The following NEDD4L variants were observed in gnomAD, a reference collection of about 807,000 sequenced individuals.
NEDD4L encodes the protein E3 ubiquitin-protein ligase NEDD4-like.
Under a neutral mutation model 148.9 loss-of-function variants are expected in NEDD4L, and 54 were observed. The ratio of observed to expected loss-of-function variants is 0.36; its 90% CI spans 0.29 to 0.45. The LOEUF (loss-of-function observed/expected upper bound fraction) is 0.45, where lower values mean the gene tolerates loss of function less well. NEDD4L is among the 20% of genes least tolerant of loss of function. NEDD4L has a pLI of 1.00. For missense variants in NEDD4L, 856 were observed against 1,233.8 expected (o/e 0.69, Z 4.59); for synonymous variants, 433 against 440.7 (o/e 0.98, Z 0.22).
intron 18 of NEDD4L, among the ~76,000 whole-genome samples, chr18:58,352,452 C>T (rs1017357595): frequency 1.3e-5 from 2 of 152,000 alleles, no homozygotes; most frequent in Non-Finnish European, 2.9e-5. Flanking sequence ...GTCAGGAGTT[C>T]GAGATTAGCC....
chr18:58,098,930 C>T (rs918808374), intron 1 of NEDD4L, among the ~76,000 whole-genome samples: 1 of 152,148 alleles, frequency 6.6e-6, no homozygotes, highest in African/African-American at 2.4e-5. Flanking sequence ...AAATGCTAAA[C>T]CATGTGGTAA....
chr18:58,082,096 AT>A (rs2083468110), intron 1 of NEDD4L, among the ~76,000 whole-genome samples: 5 of 75,526 alleles, frequency 6.6e-5, no homozygotes, highest in African/African-American at 4.4e-4. Flanking sequence ...ATATATATAT[AT>A]ATATATTTTT....
intron 1 of NEDD4L, among the ~76,000 whole-genome samples, chr18:58,057,175 C>T (rs1304357906): frequency 1.3e-5 from 2 of 152,068 alleles, no homozygotes; most frequent in Non-Finnish European, 2.9e-5. Context: ...CACATGCTCC[C>T]TTTCTCCAGG....
At chr18:58,216,140 T>G (rs1224303264) in intron 2 of NEDD4L, among the ~76,000 whole-genome samples, 1 of 152,298 alleles carries the variant, frequency 6.6e-6, no homozygotes, top group East Asian at 1.9e-4. Flanking sequence ...GCACAAAGAC[T>G]CACTGTGCCA....
chr18:58,191,988 C>T (rs986169530), intron 2 of NEDD4L, among the ~76,000 whole-genome samples: 3 of 152,074 alleles, frequency 2.0e-5, no homozygotes, highest in East Asian at 1.9e-4. Flanking sequence ...CTGGGTAACA[C>T]GGTGAAACTC....
At position 58,366,077 on chromosome 18, in the gene NEDD4L, G is replaced by A. The variant is rs201102807; in HGVS notation, c.1912G>A (p.Val638Met). 2.5e-6 allele frequency: 4 copies of A among 1,613,326 alleles called. No homozygotes were observed. Among genetic ancestry groups the A allele is most frequent in the South Asian group, 1.1e-5 (1 of 90,852 alleles). Residue 638 changes from valine to methionine, a missense_variant, in exon 21 of 31, where the codon GTG (valine) becomes ATG (methionine). Val to Met is a conservative substitution (Grantham distance 21). Coordinates refer to ENST00000400345, the MANE Select transcript of NEDD4L (RefSeq NM_001144967.3). This position sits in a 1 kb window ranked among gnomAD's most constrained non-coding sequence, Gnocchi z 4.2. The part of the protein sequence containing the change: ...FEESYRRIMS[V>M]KRPDVLKARL... ...AGAGTCCTATCGGAGAATTATGTCC[G>A]TGAAAAGACCAGATGTCCTAAAAGC...
In NEDD4L at chr18:58,347,412, C is replaced by G. The variant is rs142437537; in HGVS notation, c.1576-2125C>G. On this transcript the variant is annotated intron_variant, in intron 16 of 30. Coordinates refer to ENST00000400345, the MANE Select transcript of NEDD4L (RefSeq NM_001144967.3). ...GCTAGGTGGAAGCCCAAGGGTCCCC[C>G]GCTGGTTGTGGCGTTACCTGGTCCG... is the stretch of plus-strand genomic sequence containing the variant. Among the ~76,000 whole-genome samples, 6 of 152,190 alleles carry G rather than the reference C, an allele frequency of 3.9e-5. No homozygotes were observed. The South Asian group carries it at 1.2e-3, about 32-fold the overall frequency.
chr18:58,135,395 G>T (rs973558517), intron 1 of NEDD4L, among the ~76,000 whole-genome samples: 1 of 152,178 alleles, frequency 6.6e-6, no homozygotes, highest in Admixed American at 6.5e-5. Flanking sequence ...TGTGGTCTGT[G>T]GTCAATGTGT....
At chr18:58,359,242 T>G (rs182325598) in intron 19 of NEDD4L, among the ~76,000 whole-genome samples, 4 of 152,236 alleles carry the variant, frequency 2.6e-5, no homozygotes, top group South Asian at 2.1e-4. Context: ...CTTTTCTCTC[T>G]CGCGATATTT....
At chr18:58,326,207 A>C (rs570367740) in intron 9 of NEDD4L, among the ~76,000 whole-genome samples, 1 of 152,272 alleles carries the variant, frequency 6.6e-6, no homozygotes, top group African/African-American at 2.4e-5. Context: ...GGTTTTGTTT[A>C]ATTTAGAGAT....
chr18:58,311,562 G>A (rs8092871), intron 5 of NEDD4L, among the ~76,000 whole-genome samples: 11,212 of 152,166 alleles, frequency 0.074, 1,338 homozygotes, highest in African/African-American at 0.25. Flanking sequence ...TTGAGCTTCC[G>A]TGTGAAGTTC....
chr18:58,213,373 T>C (rs2042804102), intron 2 of NEDD4L, among the ~76,000 whole-genome samples: 1 of 152,198 alleles, frequency 6.6e-6, no homozygotes, highest in Non-Finnish European at 1.5e-5. Context: ...GTTTGTACCA[T>C]GTAATATTAT....
At chr18:58,059,850 T>C (rs9954721) in intron 1 of NEDD4L, among the ~76,000 whole-genome samples, 123,004 of 152,126 alleles carry the variant, frequency 0.81, 50,300 homozygotes, top group East Asian at 1. Context: ...GCAGTGTGTA[T>C]GTATTTCGAA....
chr18:58,096,605 T>G (rs375862516), intron 1 of NEDD4L, among the ~76,000 whole-genome samples: 17 of 152,016 alleles, frequency 1.1e-4, no homozygotes, highest in Admixed American at 3.9e-4. Flanking sequence ...GGTTTTGCCA[T>G]GTTGGCCAGG....
chr18:58,237,263 G>A (rs2046146964), intron 2 of NEDD4L, among the ~76,000 whole-genome samples: 1 of 152,062 alleles, frequency 6.6e-6, no homozygotes, highest in Non-Finnish European at 1.5e-5. Flanking sequence ...TGTGTATGGT[G>A]GATGCTCCTT....
At chr18:58,263,005 AC>A (rs1322515720) in intron 5 of NEDD4L, among the ~76,000 whole-genome samples, 1 of 152,208 alleles carries the variant, frequency 6.6e-6, no homozygotes, top group Non-Finnish European at 1.5e-5. Flanking sequence ...GACTGTTCTG[AC>A]ACTTTTGAGT....
intron 2 of NEDD4L, among the ~76,000 whole-genome samples, chr18:58,177,499 G>T (rs1376834562): frequency 1.3e-5 from 2 of 152,160 alleles, no homozygotes; most frequent in East Asian, 3.9e-4. Flanking sequence ...CCCACCCCAG[G>T]AGGAAGGGAC....
intron 5 of NEDD4L, among the ~76,000 whole-genome samples, chr18:58,296,021 T>A (rs2149186942): frequency 6.6e-6 from 1 of 152,278 alleles, no homozygotes; most frequent in Non-Finnish European, 1.5e-5. Flanking sequence ...CCAAAAGGCT[T>A]TGGGCAAGAC....
At chr18:58,239,644 A>G (rs1039845754) in intron 2 of NEDD4L, among the ~76,000 whole-genome samples, 3 of 152,192 alleles carry the variant, frequency 2.0e-5, no homozygotes, top group Non-Finnish European at 2.9e-5. Context: ...TACCCCAATA[A>G]TGATTGGTCA....
Sources: allele counts gnomAD v4.1 joint callset (sites outside exome capture counted in the v4.1 genomes callset), GRCh38; gene constraint gnomAD v4.1.1; non-coding constraint Gnocchi (gnomAD v3.1); transcripts MANE v1.5; gene names NCBI Gene and HGNC (gene_info 2026-07-23, HGNC 2026-07-21).